MFSD6: variants seen among roughly 807,000 people sequenced by gnomAD.
The protein encoded by MFSD6 is major facilitator superfamily domain containing 6.
In MFSD6, 26 loss-of-function variants were observed where a neutral mutation model predicts 56.3. The ratio of observed to expected loss-of-function variants is 0.46; its 90% CI spans 0.34 to 0.64. The LOEUF (loss-of-function observed/expected upper bound fraction) is 0.64, where lower values mean the gene tolerates loss of function less well. MFSD6 is among the 30% of genes least tolerant of loss of function. The pLI is 0.01. For missense variants in MFSD6, 750 were observed against 986.2 expected (o/e 0.76, Z 3.21); for synonymous variants, 331 against 366.9 (o/e 0.90, Z 1.12).
At chr2:190,455,651 GA>G (rs535509550) in intron 3 of MFSD6, among the ~76,000 whole-genome samples, 5 of 151,970 alleles carry the variant, frequency 3.3e-5, no homozygotes, top group Admixed American at 1.3e-4. Context: ...ATATGAAGTG[GA>G]AAAAAATGCT....
Position 190,461,486 on chromosome 2 carries a change from T to A in MFSD6, c.1533-8272T>A, listed in dbSNP as rs1381303814. ...CCTTTTTCTGACATAAATATTACAATACTATACTTAATATTCTGCAATGTC... is the reference window on the plus strand; with the variant it reads ...CCTTTTTCTGACATAAATATTACAAAACTATACTTAATATTCTGCAATGTC... On this transcript the variant is annotated intron_variant, in intron 3 of 7. Coordinates refer to ENST00000392328, the MANE Select transcript of MFSD6 (RefSeq NM_017694.4). The surrounding 1 kb of genome is among the most constrained non-coding windows in gnomAD (Gnocchi z 5.5). 6.6e-6 allele frequency among the ~76,000 whole-genome samples: 1 copy of A among 152,210 alleles called. No homozygotes were observed. Among genetic ancestry groups the A allele is most frequent in the Non-Finnish European group, 1.5e-5 (1 of 68,036 alleles).
At chr2:190,474,126 A>G (rs1174822469) in intron 4 of MFSD6, among the ~76,000 whole-genome samples, 3 of 152,194 alleles carry the variant, frequency 2.0e-5, no homozygotes. Context: ...AAGATCCAAA[A>G]TTGACGCCCT....
At chr2:190,476,430 G>A (rs1317182172) in intron 4 of MFSD6, among the ~76,000 whole-genome samples, 38 of 152,206 alleles carry the variant, frequency 2.5e-4, no homozygotes, top group Admixed American at 2.5e-3. Context: ...AGACATTTAT[G>A]CAGCCAACAG....
In MFSD6 at chr2:190,436,585, AC is replaced by A; in HGVS notation, c.558del (p.Ser187LeufsTer34). ...TATCCTGCCAACAAATTCTTCCTTT[AC>A]CTCTTTCCTCACCATATCACCAAAA... Reference protein sequence around the residue: ...LTILPTNSSFTSFLTISPKMR... With the variant: ...LTILPTNSSFXSFLTISPKMR... On this transcript the variant is annotated frameshift_variant, in exon 3 of 8. Coordinates refer to ENST00000392328, the MANE Select transcript of MFSD6 (RefSeq NM_017694.4). LOFTEE classifies it high-confidence loss of function. This position sits in a 1 kb window ranked among gnomAD's most constrained non-coding sequence, Gnocchi z 5.3. 1 of 1,614,130 alleles carries A rather than the reference AC, an allele frequency of 6.2e-7. No homozygotes were observed. Among genetic ancestry groups the A allele is most frequent in the Non-Finnish European group, 8.5e-7 (1 of 1,180,034 alleles).
chr2:190,494,104 A>T lies in MFSD6; in HGVS notation c.1892-3335A>T, dbSNP rs1689525377. Among the ~76,000 whole-genome samples, 1 of 152,118 alleles carries T rather than the reference A, an allele frequency of 6.6e-6. No homozygotes were observed. The highest frequency in any genetic ancestry group is 1.5e-5 in the Non-Finnish European group (1 of 67,986). ...AAAAGATAAATAAAATTGATATATC[A>T]TTAACAAGATTAACCAAGAAAAGAA... On this transcript the variant is annotated intron_variant, in intron 6 of 7. Coordinates refer to ENST00000392328, the MANE Select transcript of MFSD6 (RefSeq NM_017694.4). This position sits in a 1 kb window ranked among gnomAD's most constrained non-coding sequence, Gnocchi z 5.7.
chr2:190,429,747 T>C (rs1685903307), intron 2 of MFSD6, among the ~76,000 whole-genome samples: 1 of 152,242 alleles, frequency 6.6e-6, no homozygotes, highest in African/African-American at 2.4e-5. Flanking sequence ...TTCTAAAAGC[T>C]ATGTTATTTA....
chr2:190,428,428 G>A (rs1220564356), intron 2 of MFSD6, among the ~76,000 whole-genome samples: 3 of 152,156 alleles, frequency 2.0e-5, no homozygotes, highest in Non-Finnish European at 4.4e-5. Flanking sequence ...CAATCTATGA[G>A]AGTTCTAGTT....
intron 3 of MFSD6, chr2:190,464,986 T>C: frequency 1.3e-6 from 1 of 784,672 alleles, no homozygotes; most frequent in Non-Finnish European, 1.5e-6. Flanking sequence ...CTAACTACAC[T>C]GTTAGGAATT....
chr2:190,474,674 C>T (rs1688175916), intron 4 of MFSD6, among the ~76,000 whole-genome samples: 1 of 152,164 alleles, frequency 6.6e-6, no homozygotes, highest in Non-Finnish European at 1.5e-5. Context: ...TGAAACTATT[C>T]CAATCAAGAG....
chr2:190,493,403 G>A (rs1689477204), intron 6 of MFSD6, among the ~76,000 whole-genome samples: 1 of 152,126 alleles, frequency 6.6e-6, no homozygotes, highest in South Asian at 2.1e-4. Flanking sequence ...CCAGACCTAA[G>A]TAATGAGATA....
At chr2:190,466,301 A>G (rs4853511) in intron 3 of MFSD6, among the ~76,000 whole-genome samples, 133,902 of 152,250 alleles carry the variant, frequency 0.88, 59,701 homozygotes, top group East Asian at 1. Context: ...ATAACAGTGC[A>G]TACTATGGCA....
chr2:190,476,361 G>GA (rs1380616839), intron 4 of MFSD6, among the ~76,000 whole-genome samples: 1 of 151,876 alleles, frequency 6.6e-6, no homozygotes, highest in Non-Finnish European at 1.5e-5. Context: ...AAATTTATAA[G>GA]AAAAAAACAA....
intron 4 of MFSD6, among the ~76,000 whole-genome samples, chr2:190,484,332 G>A (rs1688884217): frequency 6.6e-6 from 1 of 152,194 alleles, no homozygotes; most frequent in Admixed American, 6.5e-5. Context: ...CCATGCCACT[G>A]AGTAAATGTG....
chr2:190,450,031 TA>T (rs572830285), intron 3 of MFSD6, among the ~76,000 whole-genome samples: 134 of 151,490 alleles, frequency 8.8e-4, no homozygotes, highest in African/African-American at 2.6e-3. Flanking sequence ...AAAATAAAAT[TA>T]AAAAAAAGAA....
chr2:190,467,819 A>G lies in MFSD6; in HGVS notation c.1533-1939A>G, dbSNP rs1489580544. Among the ~76,000 whole-genome samples, 3 of 152,242 alleles carry G rather than the reference A, an allele frequency of 2.0e-5. No homozygotes were observed. The highest frequency in any genetic ancestry group is 1.9e-4 in the East Asian group (1 of 5,202). On this transcript the variant is annotated intron_variant, in intron 3 of 7. Transcript: ENST00000392328. This position sits in a 1 kb window ranked among gnomAD's most constrained non-coding sequence, Gnocchi z 5.5. ...TTATGAAGTTTGCATTTCAGTGTTC[A>G]TAATTCAGCTCTTGTTGGAACATGG...
rs767069197 is a variant in MFSD6, at chr2:190,437,027, T to G, written c.998T>G (p.Leu333Arg). Residue 333 changes from leucine (L) to arginine (R), a missense_variant, in exon 3 of 8, where the codon CTG becomes CGG. Transcript: ENST00000392328. This position sits in a 1 kb window ranked among gnomAD's most constrained non-coding sequence, Gnocchi z 5.9. ...RYGLQRMWGSLGWGLAMLSVG... is the reference protein window; with the variant it reads ...RYGLQRMWGSRGWGLAMLSVG... ...GGGTTGCAGCGCATGTGGGGCTCCC[T>G]GGGCTGGGGCCTGGCGATGCTGTCT... The G allele has an allele frequency of 6.2e-7, 1 of 1,614,224 alleles. No individual in the cohort carries two copies. The highest frequency in any genetic ancestry group is 1.1e-5 in the South Asian group (1 of 91,086).
Position 190,457,650 on chromosome 2 carries a change from CTGT to C in MFSD6, c.1533-12106_1533-12104del, listed in dbSNP as rs1385335781. ...CAGGCAGAATTTGTAAAAGATGTGG[CTGT>C]TATTGCTGAAATATTTGCATTTAAT... On this transcript the variant is annotated intron_variant, in intron 3 of 7. Transcript: ENST00000392328. This position sits in a 1 kb window ranked among gnomAD's most constrained non-coding sequence, Gnocchi z 5.1. 2.0e-5 allele frequency among the ~76,000 whole-genome samples: 3 copies of C among 152,190 alleles called. No individual in the cohort carries two copies. Among genetic ancestry groups the C allele is most frequent in the Non-Finnish European group, 4.4e-5 (3 of 68,036 alleles).
rs1376378484 is a variant in MFSD6 at position 190,447,545 on chromosome 2, C to T, written c.1532+9984C>T. 6.6e-6 allele frequency among the ~76,000 whole-genome samples: 1 copy of T among 152,038 alleles called. No homozygotes were observed. The highest frequency in any genetic ancestry group is 6.6e-5 in the Admixed American group (1 of 15,260). On this transcript the variant is annotated intron_variant, in intron 3 of 7. Coordinates refer to ENST00000392328, the MANE Select transcript of MFSD6 (RefSeq NM_017694.4). This position sits in a 1 kb window ranked among gnomAD's most constrained non-coding sequence, Gnocchi z 4.5. ...GACCTACCTAGTGATATAAAGAAGC[C>T]ACATTAAAAAATAAATTGCTTATAT... is the stretch of plus-strand genomic sequence containing the variant.
chr2:190,483,799 C>A (rs1236432633), intron 4 of MFSD6, among the ~76,000 whole-genome samples: 1 of 138,490 alleles, frequency 7.2e-6, no homozygotes, highest in Non-Finnish European at 1.5e-5. Flanking sequence ...CACGCCATTG[C>A]ACTCCAGCCT....
Sources: allele counts gnomAD v4.1 joint callset (sites outside exome capture counted in the v4.1 genomes callset), GRCh38; gene constraint gnomAD v4.1.1; non-coding constraint Gnocchi (gnomAD v3.1); transcripts MANE v1.5; gene names NCBI Gene and HGNC (gene_info 2026-07-23, HGNC 2026-07-21).